The following GALK2 variants were observed in gnomAD, a reference collection of about 807,000 sequenced individuals.
The protein encoded by GALK2 is N-acetylgalactosamine kinase.
In GALK2, 36 loss-of-function variants were observed where a neutral mutation model predicts 52.4. The observed-to-expected ratio is 0.69, with a 90% CI of 0.53 to 0.91. GALK2 has a LOEUF of 0.91. Among genes scored for constraint, GALK2 ranks in the 40% least tolerant of loss-of-function variants. The probability of loss-of-function intolerance (pLI) is 0.00; values close to 1 mark genes in which losing one functional copy is unlikely to be tolerated. For missense variants in GALK2, 579 were observed against 559.1 expected (o/e 1.04, Z -0.36); for synonymous variants, 176 against 199.1 (o/e 0.88, Z 0.98).
upstream of GALK2, among the ~76,000 whole-genome samples, chr15:49,169,703 C>G (rs1305404220): frequency 6.6e-6 from 1 of 152,170 alleles, no homozygotes; most frequent in Non-Finnish European, 1.5e-5. Context: ...GTGTTTCCGT[C>G]TTTTCACTAC....
chr15:49,366,312 C>T (rs888229172), intron 3 of GALK2: 60 of 787,434 alleles, frequency 7.6e-5, no homozygotes, highest in Middle Eastern at 4.6e-4. Flanking sequence ...GATCTGTTAC[C>T]TGAGGTAGGA....
intron 1 of GALK2, among the ~76,000 whole-genome samples, chr15:49,162,352 A>G (rs1272154890): frequency 6.6e-6 from 1 of 152,208 alleles, no homozygotes; most frequent in African/African-American, 2.4e-5. Flanking sequence ...TATTCATTAC[A>G]TGGATATATT....
intron 6 of GALK2, among the ~76,000 whole-genome samples, chr15:49,282,384 A>G (rs1360752433): frequency 6.6e-6 from 1 of 152,058 alleles, no homozygotes; most frequent in East Asian, 1.9e-4. Flanking sequence ...AGCTTTCTCA[A>G]TTCCCTAGTT....
chr15:49,323,276 A>G (rs2037053257), intron 9 of GALK2, among the ~76,000 whole-genome samples: 1 of 152,146 alleles, frequency 6.6e-6, no homozygotes, highest in Non-Finnish European at 1.5e-5. Flanking sequence ...CACAACCTCT[A>G]GCAAAGTATT....
chr15:49,196,562 C>G (rs1204797230), intron 1 of GALK2, among the ~76,000 whole-genome samples: 1 of 152,078 alleles, frequency 6.6e-6, no homozygotes, highest in Non-Finnish European at 1.5e-5. Context: ...TCCATGTACT[C>G]TTGAGAAGTT....
intron 1 of GALK2, among the ~76,000 whole-genome samples, chr15:49,199,990 T>A (rs570866195): frequency 1.3e-5 from 2 of 152,332 alleles, no homozygotes; most frequent in South Asian, 4.1e-4. Flanking sequence ...TTACATTTTC[T>A]TGAGGTTTTT....
chr15:49,228,836 A>G (rs973656018), intron 3 of GALK2, among the ~76,000 whole-genome samples: 1 of 149,858 alleles, frequency 6.7e-6, no homozygotes, highest in Non-Finnish European at 1.5e-5. Flanking sequence ...TGAGGATTAC[A>G]GGCACCCACC....
chr15:49,346,490 C>G (rs576660675), intron 3 of GALK2, among the ~76,000 whole-genome samples: 1 of 152,248 alleles, frequency 6.6e-6, no homozygotes, highest in African/African-American at 2.4e-5. Flanking sequence ...GATGTGAGAG[C>G]TGTTCTCCTG....
intron 5 of GALK2, among the ~76,000 whole-genome samples, chr15:49,250,673 A>G (rs576654842): frequency 6.6e-6 from 1 of 152,184 alleles, no homozygotes; most frequent in Non-Finnish European, 1.5e-5. Context: ...GTCTGATATA[A>G]TCAGTATCAT....
intron 3 of GALK2, among the ~76,000 whole-genome samples, chr15:49,228,512 G>T: frequency 6.8e-6 from 1 of 147,682 alleles, no homozygotes. Context: ...TATTGTTGAG[G>T]CTTTCAAATG....
At chr15:49,257,780 CTA>C (rs1048418224) in intron 5 of GALK2, among the ~76,000 whole-genome samples, 10 of 151,972 alleles carry the variant, frequency 6.6e-5, no homozygotes, top group African/African-American at 2.4e-4. Context: ...ATGGGTGAAA[CTA>C]TATTTCTTAA....
chr15:49,309,060 T>C (rs912927554), intron 8 of GALK2, among the ~76,000 whole-genome samples: 4 of 152,184 alleles, frequency 2.6e-5, no homozygotes, highest in African/African-American at 9.7e-5. Flanking sequence ...CTTCTTCTGG[T>C]GTCCGGGCAC....
Position 49,328,220 on chromosome 15 carries a change from G to A in GALK2, c.*61G>A. The A allele has an allele frequency of 6.5e-7, 1 of 1,536,472 alleles. No individual in the cohort carries two copies. Among genetic ancestry groups the A allele is most frequent in the Non-Finnish European group, 8.8e-7 (1 of 1,139,282 alleles). On this transcript the variant is annotated 3_prime_UTR_variant, in exon 10 of 10. Transcript: ENST00000560031. ...CACTTAGGAATTGGCAGGACTTTCT[G>A]TGCCACAGTAAATTAATCTTCCTTC...
chr15:49,321,738 G>A (rs1027218080), intron 9 of GALK2, among the ~76,000 whole-genome samples: 1 of 152,152 alleles, frequency 6.6e-6, no homozygotes, highest in Non-Finnish European at 1.5e-5. Flanking sequence ...TTTGCCACAC[G>A]TGCCTCTCCC....
chr15:49,298,424 G>A (rs112383944), intron 8 of GALK2, among the ~76,000 whole-genome samples: 9,170 of 152,184 alleles, frequency 0.06, 552 homozygotes, highest in African/African-American at 0.15. Context: ...TCTCTTGCCT[G>A]ATTGCTGTGG....
chr15:49,307,258 C>T (rs1029243947), intron 8 of GALK2, among the ~76,000 whole-genome samples: 9 of 152,072 alleles, frequency 5.9e-5, no homozygotes, highest in African/African-American at 1.9e-4. Context: ...CTCAAGTCAA[C>T]GGGGAGAGGA....
intron 5 of GALK2, among the ~76,000 whole-genome samples, chr15:49,272,076 C>T (rs1398839672): frequency 6.6e-6 from 1 of 152,154 alleles, no homozygotes. Flanking sequence ...ATTTTGGGCA[C>T]AGCCTGTTTC....
chr15:49,276,238 C>G (rs962787552), intron 5 of GALK2, among the ~76,000 whole-genome samples: 3 of 152,162 alleles, frequency 2.0e-5, no homozygotes, highest in Non-Finnish European at 4.4e-5. Flanking sequence ...AAAGAAAATA[C>G]ATGGTAGAGA....
At chr15:49,214,496 ATTTT>A (rs35538212) in intron 2 of GALK2, among the ~76,000 whole-genome samples, 1 of 129,952 alleles carries the variant, frequency 7.7e-6, no homozygotes. Flanking sequence ...ACACCCGGCT[ATTTT>A]TTTTTTTTTT....
Sources: allele counts gnomAD v4.1 joint callset (sites outside exome capture counted in the v4.1 genomes callset), GRCh38; gene constraint gnomAD v4.1.1; transcripts MANE v1.5; gene names NCBI Gene and HGNC (gene_info 2026-07-23, HGNC 2026-07-21).